Variants in VPS13B observed in about 807,000 individuals in gnomAD.
VPS13B encodes the protein intermembrane lipid transfer protein VPS13B.
Under a neutral mutation model 426.4 loss-of-function variants are expected in VPS13B, and 285 were observed. The ratio of observed to expected loss-of-function variants is 0.67; its 90% CI spans 0.61 to 0.74. The LOEUF (loss-of-function observed/expected upper bound fraction) is 0.74. VPS13B is among the 30% of genes least tolerant of loss of function. The probability of loss-of-function intolerance (pLI) is 0.00; values close to 1 mark genes in which losing one functional copy is unlikely to be tolerated. For missense variants in VPS13B, 4,537 were observed against 4,782.6 expected (o/e 0.95, Z 1.51); for synonymous variants, 1,676 against 1,676.4 (o/e 1.00, Z 0.01).
At chr8:99,639,655 T>A (rs987708238) in intron 33 of VPS13B, among the ~76,000 whole-genome samples, 3 of 148,654 alleles carry the variant, frequency 2.0e-5, no homozygotes, top group African/African-American at 7.3e-5. Flanking sequence ...TGCATATATA[T>A]ATATTATTAT....
intron 17 of VPS13B, among the ~76,000 whole-genome samples, chr8:99,226,065 C>T (rs1041546903): frequency 2.6e-5 from 4 of 152,148 alleles, no homozygotes; most frequent in Non-Finnish European, 5.9e-5. Flanking sequence ...CTGCCTCAGC[C>T]TCCCAAGTAG....
intron 19 of VPS13B, among the ~76,000 whole-genome samples, chr8:99,296,880 G>A (rs1820070009): frequency 6.6e-6 from 1 of 152,206 alleles, no homozygotes; most frequent in South Asian, 2.1e-4. Flanking sequence ...GACTCCCTAG[G>A]TTCCAGAACT....
At chr8:99,245,769 C>T (rs902175477) in intron 17 of VPS13B, among the ~76,000 whole-genome samples, 2 of 152,194 alleles carry the variant, frequency 1.3e-5, no homozygotes, top group African/African-American at 4.8e-5. Context: ...GCCTCAAACT[C>T]CTGGCCTCAT....
In VPS13B at chr8:99,511,425, TC is replaced by T; in HGVS notation, c.4549del (p.Arg1517AlafsTer5). ...GQPMRTHTLT[S>X]RNLPLIYVNT... is the part of the protein sequence containing the mutation. Reference sequence around the variant, plus strand: ...GCCCATGAGGACCCATACACTGACATCCCGCAATTTACCTTTGATTTATGTC... The same window carrying T: ...GCCCATGAGGACCCATACACTGACATCCGCAATTTACCTTTGATTTATGTC... On this transcript the variant is annotated frameshift_variant, in exon 29 of 62. Coordinates refer to ENST00000357162, the MANE Select transcript of VPS13B (RefSeq NM_152564.5). LOFTEE classifies it high-confidence loss of function. 2.5e-6 allele frequency: 4 copies of T among 1,613,554 alleles called. No homozygotes were observed. The highest frequency in any genetic ancestry group is 3.4e-6 in the Non-Finnish European group (4 of 1,179,926).
intron 22 of VPS13B, among the ~76,000 whole-genome samples, chr8:99,439,439 G>T (rs1386362445): frequency 6.6e-6 from 1 of 151,978 alleles, no homozygotes; most frequent in African/African-American, 2.4e-5. Flanking sequence ...TGACTTCCAG[G>T]TCAGTTCATG....
chr8:99,750,219 A>G (rs908268409), intron 39 of VPS13B, among the ~76,000 whole-genome samples: 5 of 152,124 alleles, frequency 3.3e-5, no homozygotes, highest in Non-Finnish European at 5.9e-5. Context: ...GAACTCTGAA[A>G]TAGCAAACAC....
At chr8:99,516,564 A>G (rs983921181) in intron 29 of VPS13B, among the ~76,000 whole-genome samples, 1 of 151,958 alleles carries the variant, frequency 6.6e-6, no homozygotes, top group Non-Finnish European at 1.5e-5. Context: ...CAAAGCAGGC[A>G]TATAGCTTGA....
intron 30 of VPS13B, among the ~76,000 whole-genome samples, chr8:99,550,224 T>C (rs900199920): frequency 1.3e-5 from 2 of 152,132 alleles, no homozygotes; most frequent in African/African-American, 4.8e-5. Context: ...CTGGTTGCTT[T>C]ATACCACTTA....
chr8:99,651,317 G>T (rs1829805718), intron 34 of VPS13B, among the ~76,000 whole-genome samples: 1 of 152,016 alleles, frequency 6.6e-6, no homozygotes, highest in African/African-American at 2.4e-5. Context: ...AAATTATGCT[G>T]ACTGTATCTT....
At chr8:99,735,743 G>A (rs934035215) in intron 39 of VPS13B, among the ~76,000 whole-genome samples, 5 of 152,212 alleles carry the variant, frequency 3.3e-5, no homozygotes, top group Admixed American at 6.5e-5. Context: ...AAGGAAGGCC[G>A]TGGAGGCAAC....
chr8:99,498,058 G>A (rs889070618), intron 25 of VPS13B, among the ~76,000 whole-genome samples: 11 of 152,070 alleles, frequency 7.2e-5, no homozygotes, highest in African/African-American at 2.7e-4. Context: ...TTTTGTGTAT[G>A]AAGCCTTTCC....
chr8:99,397,063 G>T (rs577200479), intron 21 of VPS13B, among the ~76,000 whole-genome samples: 2 of 152,218 alleles, frequency 1.3e-5, no homozygotes, highest in African/African-American at 4.8e-5. Flanking sequence ...ATAATAAAAG[G>T]CTTTAGATTA....
At chr8:99,060,068 G>T (rs1279226030) in intron 3 of VPS13B, among the ~76,000 whole-genome samples, 1 of 151,862 alleles carries the variant, frequency 6.6e-6, no homozygotes, top group Admixed American at 6.6e-5. Flanking sequence ...GAAATAATTG[G>T]GGTCATTTGA....
chr8:99,282,497 G>T (rs1819220118), intron 19 of VPS13B, among the ~76,000 whole-genome samples: 1 of 152,030 alleles, frequency 6.6e-6, no homozygotes. Flanking sequence ...TATTTTATAT[G>T]TCTACATTAG....
intron 17 of VPS13B, among the ~76,000 whole-genome samples, chr8:99,202,035 A>G (rs1456644636): frequency 6.6e-6 from 1 of 152,246 alleles, no homozygotes; most frequent in Non-Finnish European, 1.5e-5. Flanking sequence ...TGTCCTAGAC[A>G]TAGACCTTGC....
intron 32 of VPS13B, 83 bp downstream of exon 32, chr8:99,575,867 C>A (rs536444611): frequency 2.1e-6 from 3 of 1,402,818 alleles, no homozygotes; most frequent in Admixed American, 1.9e-5. Context: ...ACAGTTTCAG[C>A]CCATAGGACT....
chr8:99,223,063 A>G (rs929668400), intron 17 of VPS13B, among the ~76,000 whole-genome samples: 58 of 152,126 alleles, frequency 3.8e-4, no homozygotes, highest in Admixed American at 9.8e-4. Flanking sequence ...CCTGACCTCA[A>G]GTGATCCGCC....
At chr8:99,731,237 A>G (rs1833587069) in intron 39 of VPS13B, among the ~76,000 whole-genome samples, 1 of 152,108 alleles carries the variant, frequency 6.6e-6, no homozygotes, top group Non-Finnish European at 1.5e-5. Flanking sequence ...TTTTTTGAGC[A>G]CCTAGTATGT....
intron 30 of VPS13B, among the ~76,000 whole-genome samples, chr8:99,537,051 A>G (rs927288109): frequency 1.3e-5 from 2 of 152,252 alleles, no homozygotes; most frequent in Non-Finnish European, 2.9e-5. Context: ...AGAATAAAAC[A>G]AAATCAAATA....
Sources: allele counts gnomAD v4.1 joint callset (sites outside exome capture counted in the v4.1 genomes callset), GRCh38; gene constraint gnomAD v4.1.1; transcripts MANE v1.5; gene names NCBI Gene and HGNC (gene_info 2026-07-23, HGNC 2026-07-21).